The following CNTN1 variants were observed in gnomAD, a reference collection of about 807,000 sequenced individuals.
The protein encoded by CNTN1 is contactin 1.
Under a neutral mutation model 126.4 loss-of-function variants are expected in CNTN1, and 38 were observed. The observed-to-expected ratio is 0.30, with a 90% confidence interval of 0.23 to 0.39. CNTN1 has a LOEUF of 0.39. CNTN1 is among the 10% of genes least tolerant of loss of function. The pLI, the probability that CNTN1 is intolerant of heterozygous loss-of-function variation, is 1.00. For synonymous variants in CNTN1, 413 were observed against 422.6 expected, an observed-to-expected ratio of 0.98 and a Z score of 0.28; for missense variants, 1,009 against 1,248.4, an observed-to-expected ratio of 0.81 and a Z score of 2.89.
chr12:40,971,618 A>G, intron 15 of CNTN1: 1 of 1,500,336 alleles, frequency 6.7e-7, no homozygotes, highest in South Asian at 1.3e-5. Flanking sequence ...CCCACCCCCA[A>G]CCTAGTTCTT....
chr12:41,019,900 C>G (rs1383523591), intron 19 of CNTN1, among the ~76,000 whole-genome samples: 1 of 151,912 alleles, frequency 6.6e-6, no homozygotes, highest in East Asian at 1.9e-4. Flanking sequence ...TCCAAATTTC[C>G]TATTTCTGAT....
intron 3 of CNTN1, 25 bp from the exon 4 acceptor site, chr12:40,918,614 T>C (rs1945328103): frequency 6.2e-7 from 1 of 1,609,528 alleles, no homozygotes; most frequent in Non-Finnish European, 8.5e-7. Flanking sequence ...CAGTACAATG[T>C]AAAACAATTT....
chr12:40,848,036 A>C (rs1451092624), intron 1 of CNTN1, among the ~76,000 whole-genome samples: 1 of 152,054 alleles, frequency 6.6e-6, no homozygotes, highest in Admixed American at 6.6e-5. Flanking sequence ...GCTTGCCTGC[A>C]CTCTGCTCAC....
chr12:40,881,656 A>T (rs1943872834), intron 1 of CNTN1, among the ~76,000 whole-genome samples: 1 of 151,882 alleles, frequency 6.6e-6, no homozygotes, highest in African/African-American at 2.4e-5. Flanking sequence ...AGGATCAGAA[A>T]ATGGAAAATA....
intron 6 of CNTN1, among the ~76,000 whole-genome samples, chr12:40,928,578 A>G (rs1050925050): frequency 3.3e-5 from 5 of 152,088 alleles, no homozygotes; most frequent in African/African-American, 9.7e-5. Context: ...TTCTTCAATA[A>G]TAAACATATG....
At chr12:41,066,237 T>C (rs61082650) in intron 23 of CNTN1, among the ~76,000 whole-genome samples, 5 of 152,194 alleles carry the variant, frequency 3.3e-5, no homozygotes, top group Admixed American at 3.3e-4. Flanking sequence ...AACTATTTTC[T>C]GAGGAAAAGT....
chr12:40,702,808 G>C (rs1482725000), intron 1 of CNTN1, among the ~76,000 whole-genome samples: 1 of 152,142 alleles, frequency 6.6e-6, no homozygotes, highest in Non-Finnish European at 1.5e-5. Context: ...TTTCCACATA[G>C]TATAGTGCCA....
At chr12:41,017,386 A>G (rs2120752588) in intron 19 of CNTN1, among the ~76,000 whole-genome samples, 1 of 151,006 alleles carries the variant, frequency 6.6e-6, no homozygotes, top group East Asian at 1.9e-4. Context: ...CGTCTCAAAA[A>G]AAAAAAAAAA....
intron 1 of CNTN1, among the ~76,000 whole-genome samples, chr12:40,876,579 T>C (rs1281441605): frequency 6.6e-6 from 1 of 152,126 alleles, no homozygotes; most frequent in Non-Finnish European, 1.5e-5. Flanking sequence ...ATGAATATAA[T>C]GTTCTATTAA....
intron 6 of CNTN1, 77 bp from the exon 7 acceptor site, chr12:40,929,719 T>C: frequency 9.3e-7 from 1 of 1,077,338 alleles, no homozygotes; most frequent in Non-Finnish European, 1.4e-6. Flanking sequence ...AGTGATAGCT[T>C]GTTACTAGCC....
intron 1 of CNTN1, among the ~76,000 whole-genome samples, chr12:40,883,827 C>A (rs1943946893): frequency 6.6e-6 from 1 of 151,370 alleles, no homozygotes; most frequent in Non-Finnish European, 1.5e-5. Context: ...TTAATTGGTG[C>A]AAGGATAAAG....
At chr12:41,053,428 AATATATATATATATATATATATATATAT>A (rs66808071) in intron 23 of CNTN1, among the ~76,000 whole-genome samples, 1 of 64,116 alleles carries the variant, frequency 1.6e-5, no homozygotes, top group Admixed American at 1.9e-4. Context: ...GTTTTCACTA[AATATATATATATATATATATATATATAT>A]ATATATATAT....
At chr12:41,051,227 A>G (rs1163824270) in intron 23 of CNTN1, among the ~76,000 whole-genome samples, 1 of 142,246 alleles carries the variant, frequency 7.0e-6, no homozygotes, top group African/African-American at 2.7e-5. Context: ...GGCTCACTGC[A>G]AGCTCTGCCT....
intron 23 of CNTN1, among the ~76,000 whole-genome samples, chr12:41,031,728 A>G (rs994123370): frequency 2.0e-5 from 3 of 152,134 alleles, no homozygotes; most frequent in Admixed American, 2.0e-4. Context: ...TATTGATTTT[A>G]GAATTTCTAT....
intron 18 of CNTN1, among the ~76,000 whole-genome samples, chr12:41,014,737 G>A (rs1948740907): frequency 1.3e-5 from 2 of 152,172 alleles, no homozygotes; most frequent in Non-Finnish European, 2.9e-5. Flanking sequence ...AGCATGATAG[G>A]TCAGTCTTAG....
chr12:40,773,318 C>T (rs920754682), intron 1 of CNTN1, among the ~76,000 whole-genome samples: 3 of 151,716 alleles, frequency 2.0e-5, no homozygotes, highest in East Asian at 3.9e-4. Context: ...TTTTAGAAAA[C>T]GATAGTTAAG....
In CNTN1 at chr12:40,997,969, A is replaced by T. The variant is rs12302128; in HGVS notation, c.2113+4700A>T. ...TATCTTTAGTGCTTCACACAACACA[A>T]TGTCCATAGTTGGTACTCAAAAATA... On this transcript the variant is annotated intron_variant, in intron 17 of 23. Coordinates refer to ENST00000551295, the MANE Select transcript of CNTN1 (RefSeq NM_001843.4). 6.6e-3 allele frequency among the ~76,000 whole-genome samples: 1,011 copies of T among 152,308 alleles called. 15 individuals carry two copies. Among genetic ancestry groups the T allele is most frequent in the African/African-American group, 0.022 (924 of 41,570 alleles).
chr12:40,833,049 G>A (rs1459658393), intron 1 of CNTN1, among the ~76,000 whole-genome samples: 1 of 151,522 alleles, frequency 6.6e-6, no homozygotes, highest in Non-Finnish European at 1.5e-5. Context: ...TGATCTGTGG[G>A]TTTAACAAGT....
At chr12:40,785,008 C>G (rs1469692664) in intron 1 of CNTN1, among the ~76,000 whole-genome samples, 2 of 151,758 alleles carry the variant, frequency 1.3e-5, no homozygotes, top group African/African-American at 2.4e-5. Flanking sequence ...AGATACAGTT[C>G]TAAGGAAATG....
Sources: gnomAD v4.1 joint callset for allele counts (sites outside exome capture counted in the v4.1 genomes callset) on GRCh38, gnomAD v4.1.1 for gene constraint, MANE v1.5 for transcripts, NCBI Gene and HGNC (gene_info 2026-07-23, HGNC 2026-07-21) for gene names.